Variants in IQCJ observed in about 807,000 individuals in gnomAD.
IQCJ encodes IQ motif containing J.
In IQCJ, 9 loss-of-function variants were observed where a neutral mutation model predicts 11.0. That is an observed-to-expected ratio of 0.82 (90% CI 0.49 to 1.43). The LOEUF is 1.43. IQCJ is among the 40% of genes most tolerant of loss of function. The pLI, the probability that IQCJ is intolerant of heterozygous loss-of-function variation, is 0.00. For synonymous variants in IQCJ, 55 were observed against 51.3 expected (o/e 1.07, Z -0.31); for missense variants, 146 against 133.2 (o/e 1.10, Z -0.47).
intron 1 of IQCJ, among the ~76,000 whole-genome samples, chr3:159,156,109 T>C (rs1201174070): frequency 1.3e-5 from 2 of 152,222 alleles, no homozygotes; most frequent in Non-Finnish European, 2.9e-5. Flanking sequence ...TGTATGCATT[T>C]TACATAGCCT....
intron 1 of IQCJ, among the ~76,000 whole-genome samples, chr3:159,243,900 C>A (rs1045998326): frequency 2.0e-5 from 3 of 152,122 alleles, no homozygotes; most frequent in African/African-American, 7.2e-5. Context: ...GAGAGGTGGC[C>A]AAGTTCCAAA....
At chr3:159,213,115 C>T (rs573662158) in intron 1 of IQCJ, among the ~76,000 whole-genome samples, 2 of 152,226 alleles carry the variant, frequency 1.3e-5, no homozygotes, top group South Asian at 4.2e-4. Context: ...GATGCCTGCT[C>T]CAGTAAGACG....
At chr3:159,079,229 T>C (rs1716147908) in intron 1 of IQCJ, among the ~76,000 whole-genome samples, 1 of 152,192 alleles carries the variant, frequency 6.6e-6, no homozygotes, top group Non-Finnish European at 1.5e-5. Context: ...ATACCCCCAG[T>C]TTAAAACAGA....
chr3:159,227,579 C>G (rs1364269625), intron 1 of IQCJ, among the ~76,000 whole-genome samples: 1 of 152,178 alleles, frequency 6.6e-6, no homozygotes, highest in South Asian at 2.1e-4. Flanking sequence ...AACTTCAAAG[C>G]TGCTGATGGC....
At chr3:159,166,505 TC>T (rs1186400022) in intron 1 of IQCJ, among the ~76,000 whole-genome samples, 1 of 152,230 alleles carries the variant, frequency 6.6e-6, no homozygotes, top group Non-Finnish European at 1.5e-5. Context: ...AAAAGTGGAT[TC>T]TTTGTGGGCA....
chr3:159,169,524 A>G (rs1292899249), intron 1 of IQCJ, among the ~76,000 whole-genome samples: 1 of 151,764 alleles, frequency 6.6e-6, no homozygotes, highest in African/African-American at 2.4e-5. Flanking sequence ...TACTGACCTC[A>G]GGTAATCCAC....
At chr3:159,210,406 G>T (rs1247443521) in intron 1 of IQCJ, among the ~76,000 whole-genome samples, 1 of 152,128 alleles carries the variant, frequency 6.6e-6, no homozygotes, top group African/African-American at 2.4e-5. Context: ...CATAAACATT[G>T]TACTCTAGTA....
chr3:159,094,901 G>A (rs1717619128), intron 1 of IQCJ, among the ~76,000 whole-genome samples: 1 of 151,788 alleles, frequency 6.6e-6, no homozygotes, highest in South Asian at 2.1e-4. Flanking sequence ...TGTATCAGTA[G>A]TTACAGTATT....
intron 1 of IQCJ, among the ~76,000 whole-genome samples, chr3:159,236,988 C>T (rs775965640): frequency 6.6e-6 from 1 of 152,024 alleles, no homozygotes; most frequent in Non-Finnish European, 1.5e-5. Flanking sequence ...TAATTATTTC[C>T]AAGACACAAA....
At chr3:159,140,697 A>G (rs1219302380) in intron 1 of IQCJ, among the ~76,000 whole-genome samples, 2 of 152,202 alleles carry the variant, frequency 1.3e-5, no homozygotes, top group Non-Finnish European at 2.9e-5. Context: ...GCAACTGTGA[A>G]TCATTAGGCA....
At chr3:159,110,361 C>A (rs143603203) in intron 1 of IQCJ, among the ~76,000 whole-genome samples, 118 of 152,334 alleles carry the variant, frequency 7.7e-4, no homozygotes, top group African/African-American at 2.4e-3. Flanking sequence ...TCATCAGCAT[C>A]ATCAACACCT....
intron 1 of IQCJ, among the ~76,000 whole-genome samples, chr3:159,164,886 G>T (rs1722077204): frequency 6.6e-6 from 1 of 152,160 alleles, no homozygotes. Flanking sequence ...CCATGATTAA[G>T]CATTTTCTAG....
intron 1 of IQCJ, among the ~76,000 whole-genome samples, chr3:159,145,241 G>A (rs1720859602): frequency 6.6e-6 from 1 of 152,154 alleles, no homozygotes; most frequent in Admixed American, 6.6e-5. Context: ...AGAAAATGAG[G>A]GAGAGAAAAG....
chr3:159,250,663 G>A (rs189421955), intron 2 of IQCJ, among the ~76,000 whole-genome samples: 2 of 152,284 alleles, frequency 1.3e-5, no homozygotes, highest in Admixed American at 1.3e-4. Context: ...ATCAGATCTT[G>A]TGAGAACTCA....
At chr3:159,222,519 A>T (rs1318705927) in intron 1 of IQCJ, among the ~76,000 whole-genome samples, 1 of 152,156 alleles carries the variant, frequency 6.6e-6, no homozygotes, top group African/African-American at 2.4e-5. Context: ...ACAGAGTAGA[A>T]TGCTGATTAC....
intron 2 of IQCJ, 124 bp downstream of exon 2, chr3:159,246,031 C>A: frequency 1.4e-6 from 1 of 714,128 alleles, no homozygotes. Flanking sequence ...GTGGTCAGAG[C>A]CCAGAAATGT....
At chr3:159,133,234 T>C (rs1263242334) in intron 1 of IQCJ, among the ~76,000 whole-genome samples, 4 of 152,184 alleles carry the variant, frequency 2.6e-5, no homozygotes, top group African/African-American at 9.7e-5. Context: ...AAGAAATCAT[T>C]GGTTCCAAAA....
intron 1 of IQCJ, among the ~76,000 whole-genome samples, chr3:159,171,358 G>A (rs1722477177): frequency 6.6e-6 from 1 of 152,136 alleles, no homozygotes; most frequent in African/African-American, 2.4e-5. Flanking sequence ...AGGCATTTGT[G>A]CGTCAGAGAC....
chr3:159,265,371 A>G (rs1175325010), downstream of IQCJ: 5 of 1,613,532 alleles, frequency 3.1e-6, no homozygotes, highest in East Asian at 6.7e-5. Flanking sequence ...GGAGCCCCAG[A>G]TAGAAAGACT....
Sources: allele counts gnomAD v4.1 joint callset (sites outside exome capture counted in the v4.1 genomes callset), GRCh38; gene constraint gnomAD v4.1.1; transcripts MANE v1.5; gene names NCBI Gene and HGNC (gene_info 2026-07-23, HGNC 2026-07-21).